Variants in VIPR2 observed in about 807,000 individuals in gnomAD.
VIPR2 encodes vasoactive intestinal polypeptide receptor 2.
A neutral mutation model predicts 58.0 loss-of-function variants in VIPR2; 48 were observed. That is an observed-to-expected ratio of 0.83 (90% CI 0.66 to 1.05). VIPR2 has a LOEUF of 1.05. VIPR2 is among the 50% of genes least tolerant of loss of function. The pLI is 0.00. For synonymous variants in VIPR2, 243 were observed against 235.2 expected (o/e 1.03, Z -0.30); for missense variants, 534 against 558.0 (o/e 0.96, Z 0.43).
At chr7:159,033,225 C>T (rs1234761369) in intron 10 of VIPR2, among the ~76,000 whole-genome samples, 1 of 152,222 alleles carries the variant, frequency 6.6e-6, no homozygotes, top group East Asian at 1.9e-4. Flanking sequence ...TATCTGCACC[C>T]AGCTTTGGGG....
At chr7:159,041,091 G>A (rs759048249) in intron 6 of VIPR2, among the ~76,000 whole-genome samples, 39 of 152,224 alleles carry the variant, frequency 2.6e-4, no homozygotes, top group Middle Eastern at 6.3e-3. Flanking sequence ...CGGGCCAGTT[G>A]CTGGGTTCCC....
At chr7:159,115,901 C>T (rs1297895969) in intron 2 of VIPR2, among the ~76,000 whole-genome samples, 3 of 152,236 alleles carry the variant, frequency 2.0e-5, no homozygotes, top group Non-Finnish European at 4.4e-5. Context: ...CACGTGCTTC[C>T]TTTCATATAC....
At position 159,035,951 on chromosome 7, in the gene VIPR2, C is replaced by G. The variant is rs774248608; in HGVS notation, c.809+1G>C. ...AGGTTGCAGTCTGGTCATGGACTCA[C>G]CCGGTGTCTTCTAAGTAGAGCCTGG... On this transcript the variant is annotated splice_donor_variant, in intron 8 of 12. Coordinates refer to ENST00000262178, the MANE Select transcript of VIPR2 (RefSeq NM_003382.5). LOFTEE classifies it high-confidence loss of function. 2.5e-6 allele frequency: 4 copies of G among 1,613,544 alleles called. No homozygotes were observed. Among genetic ancestry groups the G allele is most frequent in the African/African-American group, 1.3e-5 (1 of 74,920 alleles).
At position 159,031,030 on chromosome 7, in the gene VIPR2, G is replaced by A. The variant is rs1230092038; in HGVS notation, c.1144-241C>T. ...TAAGACTGTGCGTGGGTGGTTCGGG[G>A]ATCGCCACTGCCGCGGTAAGCGCAG... On this transcript the variant is annotated intron_variant, in intron 12 of 12. Transcript: ENST00000262178. The surrounding 1 kb of genome is among the most constrained non-coding windows in gnomAD (Gnocchi z 4.0). 6.6e-6 allele frequency among the ~76,000 whole-genome samples: 1 copy of A among 152,242 alleles called. No individual in the cohort carries two copies. The highest frequency in any genetic ancestry group is 1.5e-5 in the Non-Finnish European group (1 of 68,042).
chr7:159,090,024 GC>G (rs1353066611), intron 4 of VIPR2, among the ~76,000 whole-genome samples: 1 of 151,944 alleles, frequency 6.6e-6, no homozygotes, highest in Non-Finnish European at 1.5e-5. Context: ...ACGCACAGGG[GC>G]CACCTCTTGT....
Position 159,036,898 on chromosome 7 carries a change from C to A in VIPR2, c.602G>T (p.Gly201Val). The A allele has an allele frequency of 6.2e-7, 1 of 1,611,230 alleles. No homozygotes were observed. Among genetic ancestry groups the A allele is most frequent in the Non-Finnish European group, 8.5e-7 (1 of 1,177,926 alleles). Reference sequence around the variant, plus strand: ...CAGGAAGACCAGGCTCAGCTTGCAGCCCACCTGGAAACCGCAAACAGAGGA... The same window carrying A: ...CAGGAAGACCAGGCTCAGCTTGCAGACCACCTGGAAACCGCAAACAGAGGA... ...HCPDQPSSWV[G>V]CKLSLVFLQY... The change falls in exon 7 of 13, where the codon GGC (glycine) becomes GTC (valine). Residue 201 changes from glycine (G) to valine (V), a missense_variant. Physicochemically the swap from Gly to Val is moderately radical, Grantham distance 109. Transcript: ENST00000262178.
intron 8 of VIPR2, among the ~76,000 whole-genome samples, chr7:159,035,501 G>A (rs540369731): frequency 2.6e-5 from 4 of 152,372 alleles, no homozygotes; most frequent in East Asian, 1.9e-4. Flanking sequence ...TGTCTGGGCC[G>A]TGGTCTCGCT....
At chr7:159,094,501 G>A (rs906115100) in intron 4 of VIPR2, among the ~76,000 whole-genome samples, 2 of 152,234 alleles carry the variant, frequency 1.3e-5, no homozygotes, top group African/African-American at 4.8e-5. Context: ...ACAGGCACCG[G>A]AGACATCCTT....
At chr7:159,037,725 G>C (rs1477362581) in intron 6 of VIPR2, among the ~76,000 whole-genome samples, 3 of 151,504 alleles carry the variant, frequency 2.0e-5, no homozygotes, top group Non-Finnish European at 4.4e-5. Context: ...TAATCTCTCA[G>C]ACCTTCATCT....
chr7:159,078,454 T>C (rs779979308), intron 4 of VIPR2, among the ~76,000 whole-genome samples: 99 of 152,308 alleles, frequency 6.5e-4, no homozygotes, highest in Non-Finnish European at 1.1e-3. Flanking sequence ...AAGGCACTAA[T>C]GCAATATTCA....
chr7:159,114,779 A>G (rs1796172079), intron 2 of VIPR2, among the ~76,000 whole-genome samples: 1 of 150,968 alleles, frequency 6.6e-6, no homozygotes, highest in Non-Finnish European at 1.5e-5. Flanking sequence ...TGTCTCAAAG[A>G]AAAAAAAGAG....
intron 4 of VIPR2, among the ~76,000 whole-genome samples, chr7:159,065,273 A>G (rs765290112): frequency 2.1e-4 from 32 of 152,010 alleles, no homozygotes; most frequent in Non-Finnish European, 4.0e-4. Context: ...CTGCCCGCCC[A>G]TCTCCCTCCC....
intron 6 of VIPR2, among the ~76,000 whole-genome samples, chr7:159,040,562 G>C (rs1420484714): frequency 6.6e-6 from 1 of 152,174 alleles, no homozygotes; most frequent in Admixed American, 6.5e-5. Flanking sequence ...GCATGGAAGG[G>C]GCCAAGAAGA....
chr7:159,131,861 A>C (rs113670282), intron 2 of VIPR2, among the ~76,000 whole-genome samples: 23 of 152,364 alleles, frequency 1.5e-4, no homozygotes, highest in African/African-American at 5.3e-4. Context: ...TGCAGACATA[A>C]GCGACACTTA....
In VIPR2 at chr7:159,093,943, A is replaced by G. The variant is rs1448835205; in HGVS notation, c.357+9814T>C. On this transcript the variant is annotated intron_variant, in intron 4 of 12. Transcript: ENST00000262178. The surrounding 1 kb of genome is among the most constrained non-coding windows in gnomAD (Gnocchi z 6.7). ...CAGGGCTGGTGGTCATGTCTGCGTG[A>G]TGGAAAGGGAGCAGGAAGCTGAAGG... 1.3e-5 allele frequency among the ~76,000 whole-genome samples: 2 copies of G among 152,122 alleles called. No homozygotes were observed. Among genetic ancestry groups the G allele is most frequent in the African/African-American group, 4.8e-5 (2 of 41,418 alleles).
In VIPR2 at chr7:159,031,954, C is replaced by T. The variant is rs147214125; in HGVS notation, c.1085G>A (p.Cys362Tyr). Residue 362 changes from cysteine to tyrosine, a missense_variant, in exon 11 of 13, where the codon TGC becomes TAC. Physicochemically the swap from Cys to Tyr is radical, Grantham distance 194. Transcript: ENST00000262178. This position sits in a 1 kb window ranked among gnomAD's most constrained non-coding sequence, Gnocchi z 4.0. Reference sequence around the variant, plus strand: ...CACACCTACCTGGAACGACCCGAGGCACAGCTCAAACAGTATCTGGTATTT... The same window carrying T: ...CACACCTACCTGGAACGACCCGAGGTACAGCTCAAACAGTATCTGGTATTT... ...SSKYQILFEL[C>Y]LGSFQGLVVA... 1,865 of 1,614,182 alleles carry T rather than the reference C, an allele frequency of 1.2e-3. 4 individuals carry two copies. The highest frequency in any genetic ancestry group is 1.4e-3 in the Non-Finnish European group (1,638 of 1,180,038).
intron 4 of VIPR2, among the ~76,000 whole-genome samples, chr7:159,084,040 C>T (rs766715524): frequency 3.3e-5 from 5 of 152,258 alleles, no homozygotes; most frequent in African/African-American, 7.2e-5. Context: ...CACACATCTC[C>T]GTCTGGGAAA....
chr7:159,082,873 C>T (rs1386474022), intron 4 of VIPR2, among the ~76,000 whole-genome samples: 1 of 152,212 alleles, frequency 6.6e-6, no homozygotes, highest in African/African-American at 2.4e-5. Context: ...TGGCTCAAGA[C>T]CATTCCCAGT....
intron 10 of VIPR2, among the ~76,000 whole-genome samples, chr7:159,032,913 C>G (rs578078318): frequency 1.3e-5 from 2 of 151,980 alleles, no homozygotes; most frequent in Non-Finnish European, 2.9e-5. Flanking sequence ...GCCACACAGG[C>G]ACCACCGGAC....
Sources: allele counts gnomAD v4.1 joint callset (sites outside exome capture counted in the v4.1 genomes callset), GRCh38; gene constraint gnomAD v4.1.1; non-coding constraint Gnocchi (gnomAD v3.1); transcripts MANE v1.5; gene names NCBI Gene and HGNC (gene_info 2026-07-23, HGNC 2026-07-21).